Variants in ACSL6 observed in about 807,000 individuals in gnomAD.
The protein encoded by ACSL6 is acyl-CoA synthetase long chain family member 6, also known as long-chain-fatty-acid--CoA ligase 6.
Under a neutral mutation model 98.2 loss-of-function variants are expected in ACSL6, and 47 were observed. The ratio of observed to expected loss-of-function variants is 0.48; its 90% CI spans 0.38 to 0.61. ACSL6 has a LOEUF of 0.61. Among genes scored for constraint, ACSL6 ranks in the 20% least tolerant of loss-of-function variants. ACSL6 has a pLI of 0.00. For missense variants in ACSL6, 761 were observed against 913.4 expected (o/e 0.83, Z 2.15); for synonymous variants, 362 against 336.9 (o/e 1.07, Z -0.82).
At chr5:131,973,584 C>G (rs1753439522) in intron 11 of ACSL6, 184 bp from the exon 12 acceptor site, 1 of 510,358 alleles carries the variant, frequency 2.0e-6, no homozygotes, top group Non-Finnish European at 3.4e-6. Context: ...ACCTTCCAAC[C>G]AAGTCCCACT....
chr5:131,954,469 T>C (rs1208565225), intron 20 of ACSL6, 98 bp from the exon 21 acceptor site: 5 of 1,243,952 alleles, frequency 4.0e-6, no homozygotes, highest in Middle Eastern at 2.1e-4. Context: ...AGTAGATATA[T>C]TGACATACAG....
chr5:132,008,191 T>TTCATAA (rs1755514194), intron 1 of ACSL6, among the ~76,000 whole-genome samples: 1 of 152,202 alleles, frequency 6.6e-6, no homozygotes, highest in Non-Finnish European at 1.5e-5. Flanking sequence ...AGCTCTACCA[T>TTCATAA]CTGTCCCAAT....
intron 13 of ACSL6, 60 bp downstream of exon 13, chr5:131,972,664 T>C: frequency 1.3e-6 from 2 of 1,594,010 alleles, no homozygotes; most frequent in South Asian, 1.1e-5. Flanking sequence ...CCAGTTCTCC[T>C]GCAAGGTCAC....
At chr5:131,955,324 T>A (rs1752343626) in intron 20 of ACSL6, among the ~76,000 whole-genome samples, 1 of 152,230 alleles carries the variant, frequency 6.6e-6, no homozygotes. Flanking sequence ...GAAAACTCTT[T>A]CAGTATGCTT....
intron 1 of ACSL6, among the ~76,000 whole-genome samples, chr5:132,000,377 C>G (rs922748394): frequency 6.6e-6 from 1 of 151,886 alleles, no homozygotes; most frequent in Non-Finnish European, 1.5e-5. Context: ...AATGGTCACC[C>G]TGGAGCCAGA....
chr5:131,996,659 G>A (rs1255165359), intron 1 of ACSL6, among the ~76,000 whole-genome samples: 1 of 152,216 alleles, frequency 6.6e-6, no homozygotes, highest in Non-Finnish European at 1.5e-5. Context: ...TCTGAGCTTT[G>A]CATATTGTGG....
intron 1 of ACSL6, among the ~76,000 whole-genome samples, chr5:132,010,826 G>C (rs577040973): frequency 6.6e-6 from 1 of 152,304 alleles, no homozygotes; most frequent in South Asian, 2.1e-4. Context: ...TGGGTGTATG[G>C]GGGGTTGAGG....
chr5:131,971,456 C>T (rs1003747785), intron 14 of ACSL6, 94 bp downstream of exon 14: 2 of 1,044,094 alleles, frequency 1.9e-6, no homozygotes, highest in South Asian at 8.3e-5. Context: ...AATCTTGTCC[C>T]CCGGTTCTTT....
At chr5:131,996,443 A>G (rs950771888) in intron 1 of ACSL6, among the ~76,000 whole-genome samples, 5 of 152,180 alleles carry the variant, frequency 3.3e-5, no homozygotes, top group African/African-American at 1.2e-4. Context: ...AAATCCAGAC[A>G]TGCTCACCAA....
At chr5:131,974,795 T>C (rs1753526264) in intron 11 of ACSL6, 98 bp downstream of exon 11, 1 of 1,612,494 alleles carries the variant, frequency 6.2e-7, no homozygotes, top group African/African-American at 1.3e-5. Flanking sequence ...TAAAGGCAAA[T>C]AGGAAATGTG....
chr5:132,003,820 G>A (rs1445099325), intron 1 of ACSL6: 1 of 152,224 alleles, frequency 6.6e-6, no homozygotes, highest in South Asian at 2.1e-4. Flanking sequence ...ACGTAAGTTC[G>A]GGGGGATGGA....
intron 1 of ACSL6, among the ~76,000 whole-genome samples, chr5:132,009,208 C>T (rs923324389): frequency 1.3e-5 from 2 of 152,214 alleles, no homozygotes; most frequent in Middle Eastern, 3.2e-3. Flanking sequence ...CCCCCATCCC[C>T]GACTTTATGT....
chr5:131,981,009 C>A (rs925944621), intron 9 of ACSL6, among the ~76,000 whole-genome samples: 3 of 152,120 alleles, frequency 2.0e-5, no homozygotes, highest in African/African-American at 7.2e-5. Context: ...GACTCCCACT[C>A]CACAAAGGAG....
chr5:131,978,713 G>A (rs1217873510), intron 9 of ACSL6, among the ~76,000 whole-genome samples: 1 of 152,184 alleles, frequency 6.6e-6, no homozygotes. Context: ...TTGCCCAGGA[G>A]CAGAAAAAGA....
intron 18 of ACSL6, 102 bp downstream of exon 18, chr5:131,962,433 A>G: frequency 7.3e-7 from 1 of 1,361,956 alleles, no homozygotes; most frequent in Non-Finnish European, 9.9e-7. Flanking sequence ...CATGTTTTAA[A>G]ATGCGGAGGA....
At chr5:131,995,990 G>A (rs1485969956) in intron 1 of ACSL6, among the ~76,000 whole-genome samples, 1 of 152,242 alleles carries the variant, frequency 6.6e-6, no homozygotes, top group African/African-American at 2.4e-5. Context: ...CCTGGTACAA[G>A]CACTGGGCAG....
At chr5:131,975,224 G>C (rs1753554354) in intron 10 of ACSL6, 2 of 1,350,866 alleles carry the variant, frequency 1.5e-6, no homozygotes, top group East Asian at 2.9e-5. Context: ...GGAGTGTTAG[G>C]TCGCAGCGTC....
chr5:131,987,382 G>A (rs1168191151), intron 7 of ACSL6, among the ~76,000 whole-genome samples: 1 of 152,236 alleles, frequency 6.6e-6, no homozygotes, highest in African/African-American at 2.4e-5. Flanking sequence ...GGCAGGTGGG[G>A]GCTGCCAGTG....
At chr5:131,970,074 G>A (rs1414405899) in intron 15 of ACSL6, 54 bp downstream of exon 15, 5 of 1,537,378 alleles carry the variant, frequency 3.3e-6, no homozygotes, top group Admixed American at 3.4e-5. Flanking sequence ...AGAGCTGGCT[G>A]CTTTTACTCC....
Sources: allele counts gnomAD v4.1 joint callset (sites outside exome capture counted in the v4.1 genomes callset), GRCh38; gene constraint gnomAD v4.1.1; transcripts MANE v1.5; gene names NCBI Gene and HGNC (gene_info 2026-07-23, HGNC 2026-07-21).